CDH17: variants seen among roughly 807,000 people sequenced by gnomAD.
CDH17 encodes the protein cadherin-17.
Under a neutral mutation model 86.3 loss-of-function variants are expected in CDH17, and 67 were observed. The observed-to-expected ratio is 0.78, with a 90% CI of 0.64 to 0.95. CDH17 has a LOEUF of 0.95. CDH17 is among the 40% of genes least tolerant of loss of function. CDH17 has a pLI of 0.00. For synonymous variants in CDH17, 367 were observed against 366.4 expected, an observed-to-expected ratio of 1.00 and a Z score of -0.02; for missense variants, 993 against 1,017.6, an observed-to-expected ratio of 0.98 and a Z score of 0.33.
At chr8:94,134,155 T>A (rs1425605923) in intron 15 of CDH17, among the ~76,000 whole-genome samples, 1 of 152,250 alleles carries the variant, frequency 6.6e-6, no homozygotes, top group East Asian at 1.9e-4. Context: ...GGCATCAGGA[T>A]GAAGCTGGCC....
intron 12 of CDH17, among the ~76,000 whole-genome samples, chr8:94,158,650 G>A (rs770924992): frequency 3.9e-5 from 6 of 152,162 alleles, no homozygotes; most frequent in Non-Finnish European, 8.8e-5. Context: ...GCAGACTGCT[G>A]TGAGCACAAG....
At chr8:94,132,710 C>T (rs1027034023) in intron 15 of CDH17, among the ~76,000 whole-genome samples, 3 of 152,116 alleles carry the variant, frequency 2.0e-5, no homozygotes, top group Non-Finnish European at 4.4e-5. Context: ...GTTGCCATTG[C>T]TTTTGGTGTT....
chr8:94,166,053 C>T (rs1022327746), intron 9 of CDH17, 77 bp from the exon 10 acceptor site: 4 of 853,118 alleles, frequency 4.7e-6, no homozygotes, highest in Admixed American at 2.4e-5. Flanking sequence ...CTAAAATAAG[C>T]ACATTCCTAG....
At position 94,146,049 on chromosome 8, in the gene CDH17, T is replaced by G; in HGVS notation, c.2046A>C (p.Ala682=). ...TGLFFCHPLS[A]PGSLIFEATD... ...TAGCCTCGAAAATGAGACTTCCAGG[T>G]GCACTGAGGGGATGGCAGAAGAACA... The change falls in exon 15 of 18, where the codon GCA becomes GCC. Residue 682 remains alanine (A), a synonymous_variant. Coordinates refer to ENST00000027335, the MANE Select transcript of CDH17 (RefSeq NM_004063.4). The G allele has an allele frequency of 6.2e-7, 1 of 1,613,868 alleles. No homozygotes were observed.
chr8:94,137,315 A>C (rs927838067), intron 15 of CDH17, among the ~76,000 whole-genome samples: 5 of 152,108 alleles, frequency 3.3e-5, no homozygotes, highest in Admixed American at 2.6e-4. Context: ...TGAGCTTCCC[A>C]GCCGCTTTAC....
At position 94,129,320 on chromosome 8, in the gene CDH17, T is replaced by C. The variant is rs79608729; in HGVS notation, c.2399-980A>G. ...CCTCAAAAAGACAGCTCAATTACCATGAAAAGTGTGCAGTAGATAGTGGTT... is the reference window on the plus strand; with the variant it reads ...CCTCAAAAAGACAGCTCAATTACCACGAAAAGTGTGCAGTAGATAGTGGTT... On this transcript the variant is annotated intron_variant, in intron 17 of 17. Transcript: ENST00000027335. Among the ~76,000 whole-genome samples the C allele has an allele frequency of 5.9e-3, 899 of 152,256 alleles. 10 individuals are homozygous for C. The highest frequency in any genetic ancestry group is 0.02 in the African/African-American group (831 of 41,554).
At chr8:94,139,128 G>A (rs925452076) in intron 15 of CDH17, among the ~76,000 whole-genome samples, 1 of 152,122 alleles carries the variant, frequency 6.6e-6, no homozygotes, top group Admixed American at 6.5e-5. Flanking sequence ...ACAAGACTGA[G>A]AAGTGTAGAT....
At chr8:94,212,349 C>T (rs1204992106), upstream of CDH17, among the ~76,000 whole-genome samples, 1 of 152,126 alleles carries the variant, frequency 6.6e-6, no homozygotes, top group Non-Finnish European at 1.5e-5. Flanking sequence ...TTTCATCCAT[C>T]CAGGCTGGAC....
chr8:94,187,918 C>T (rs963842458), intron 3 of CDH17, among the ~76,000 whole-genome samples: 1 of 152,124 alleles, frequency 6.6e-6, no homozygotes, highest in African/African-American at 2.4e-5. Flanking sequence ...CTAATAACAC[C>T]CTACCTCACC....
At chr8:94,210,150 G>C (rs1319012158), upstream of CDH17, among the ~76,000 whole-genome samples, 2 of 133,258 alleles carry the variant, frequency 1.5e-5, no homozygotes, top group African/African-American at 2.9e-5. Flanking sequence ...CTGCAACCCT[G>C]TTCTGATTCA....
At chr8:94,162,342 A>G (rs56034198) in intron 10 of CDH17, among the ~76,000 whole-genome samples, 180 bp from the exon 11 acceptor site, 46,187 of 152,078 alleles carry the variant, frequency 0.3, 7,183 homozygotes, top group Non-Finnish European at 0.34. Flanking sequence ...GTGGTCACCA[A>G]GTGTGGGGCA....
chr8:94,174,356 A>G, intron 5 of CDH17, 96 bp from the exon 6 acceptor site: 1 of 1,211,972 alleles, frequency 8.3e-7, no homozygotes, highest in South Asian at 1.5e-5. Flanking sequence ...AAGTGGAGAT[A>G]TAATAGGGAA....
intron 1 of CDH17, among the ~76,000 whole-genome samples, chr8:94,205,417 T>TC (rs1563592615): frequency 1.3e-5 from 2 of 151,762 alleles, no homozygotes; most frequent in African/African-American, 2.4e-5. Flanking sequence ...TTAGGTTCCA[T>TC]CCCATAGGAT....
chr8:94,160,850 G>T (rs535599976), intron 11 of CDH17, among the ~76,000 whole-genome samples: 5 of 152,316 alleles, frequency 3.3e-5, no homozygotes, highest in African/African-American at 1.2e-4. Context: ...AGGAGCAAAG[G>T]CTTGGAGAAG....
chr8:94,170,671 A>C, intron 8 of CDH17, 124 bp from the exon 9 acceptor site: 1 of 1,379,762 alleles, frequency 7.2e-7, no homozygotes, highest in African/African-American at 1.5e-5. Flanking sequence ...AGAATTGGAA[A>C]ATTTTAAAAA....
intron 1 of CDH17, among the ~76,000 whole-genome samples, chr8:94,203,588 T>C (rs551724514): frequency 6.6e-6 from 1 of 152,358 alleles, no homozygotes; most frequent in East Asian, 1.9e-4. Context: ...CCCATCTTTT[T>C]GGTCTGGCTC....
chr8:94,206,517 C>T (rs893509879), intron 1 of CDH17, among the ~76,000 whole-genome samples: 10 of 152,192 alleles, frequency 6.6e-5, no homozygotes, highest in Non-Finnish European at 1.3e-4. Context: ...CCCAGCTTTC[C>T]TCCTCAGAGC....
chr8:94,162,064 A>G (rs769325197), intron 11 of CDH17, 22 bp downstream of exon 11: 7 of 1,346,176 alleles, frequency 5.2e-6, no homozygotes, highest in Non-Finnish European at 7.5e-6. Flanking sequence ...TAAAGAAAAA[A>G]CAAATAATGA....
At chr8:94,172,119 G>A (rs993040840) in intron 7 of CDH17, among the ~76,000 whole-genome samples, 2 of 150,980 alleles carry the variant, frequency 1.3e-5, no homozygotes, top group African/African-American at 4.9e-5. Flanking sequence ...AATTGGGTAG[G>A]CACTCTAGAA....
Sources: allele counts gnomAD v4.1 joint callset (sites outside exome capture counted in the v4.1 genomes callset), GRCh38; gene constraint gnomAD v4.1.1; transcripts MANE v1.5; gene names NCBI Gene and HGNC (gene_info 2026-07-23, HGNC 2026-07-21).